The following AGBL1 variants were observed in gnomAD, a reference collection of about 807,000 sequenced individuals.
The protein encoded by AGBL1 is AGBL carboxypeptidase 1.
AGBL1 carries 130 observed loss-of-function variants against 118.9 expected under a neutral mutation model. The observed-to-expected ratio is 1.09, with a 90% CI of 0.95 to 1.26. The LOEUF (loss-of-function observed/expected upper bound fraction) is 1.26, where lower values mean the gene tolerates loss of function less well. Ranked by LOEUF, AGBL1 falls within the 50% of genes most tolerant of loss-of-function variation. AGBL1 has a pLI of 0.00. For missense variants in AGBL1, 1,584 were observed against 1,298.1 expected (o/e 1.22, Z -3.38); for synonymous variants, 555 against 478.9 (o/e 1.16, Z -2.08).
chr15:86,243,861 A>T (rs1342020573), intron 6 of AGBL1, among the ~76,000 whole-genome samples: 3 of 151,906 alleles, frequency 2.0e-5, no homozygotes, highest in African/African-American at 7.3e-5. Context: ...ATACAAAAAA[A>T]TTAGCAAAAT....
intron 22 of AGBL1, among the ~76,000 whole-genome samples, chr15:86,766,939 G>C (rs779993743): frequency 6.6e-6 from 1 of 151,938 alleles, no homozygotes; most frequent in Non-Finnish European, 1.5e-5. Context: ...GGCTGGAATA[G>C]AGGGAGGAAC....
chr15:86,874,653 G>A (rs2079780306), intron 22 of AGBL1, among the ~76,000 whole-genome samples: 1 of 152,160 alleles, frequency 6.6e-6, no homozygotes, highest in Non-Finnish European at 1.5e-5. Flanking sequence ...AGGCACAGGA[G>A]GAAGAAGAAA....
At chr15:86,240,994 G>A (rs181039075) in intron 6 of AGBL1, among the ~76,000 whole-genome samples, 13 of 152,264 alleles carry the variant, frequency 8.5e-5, no homozygotes, top group Middle Eastern at 3.4e-3. Flanking sequence ...GACTCAATAC[G>A]TGTACATTTT....
intron 22 of AGBL1, among the ~76,000 whole-genome samples, chr15:86,804,576 T>A (rs1053381631): frequency 2.6e-5 from 4 of 152,188 alleles, no homozygotes; most frequent in African/African-American, 9.6e-5. Context: ...GCTACGCATG[T>A]GTCTTGATTG....
At chr15:86,737,977 G>A (rs2077625284) in intron 22 of AGBL1, among the ~76,000 whole-genome samples, 1 of 151,770 alleles carries the variant, frequency 6.6e-6, no homozygotes, top group African/African-American at 2.4e-5. Context: ...AGGGATGCAA[G>A]GAAGGTTCAA....
intron 18 of AGBL1, among the ~76,000 whole-genome samples, chr15:86,398,437 A>G (rs2081399039): frequency 6.6e-6 from 1 of 152,224 alleles, no homozygotes; most frequent in Non-Finnish European, 1.5e-5. Flanking sequence ...AAGAGAATAC[A>G]AGATAAACTG....
chr15:86,165,875 C>T (rs1434418168), intron 5 of AGBL1, among the ~76,000 whole-genome samples: 1 of 152,170 alleles, frequency 6.6e-6, no homozygotes, highest in African/African-American at 2.4e-5. Flanking sequence ...GTTATTATTG[C>T]ATCTGCAACC....
At chr15:86,114,941 T>A (rs78778869) in intron 1 of AGBL1, among the ~76,000 whole-genome samples, 7 of 152,270 alleles carry the variant, frequency 4.6e-5, no homozygotes, top group Non-Finnish European at 8.8e-5. Flanking sequence ...TTTGTTAGAA[T>A]GTCTTTATTG....
At chr15:86,347,180 C>A (rs925604533) in intron 17 of AGBL1, among the ~76,000 whole-genome samples, 3 of 152,140 alleles carry the variant, frequency 2.0e-5, no homozygotes, top group Admixed American at 2.0e-4. Context: ...TTTTAGCTAG[C>A]CCTGCATGAA....
At chr15:86,420,944 G>T (rs895396503) in intron 18 of AGBL1, among the ~76,000 whole-genome samples, 13 of 152,264 alleles carry the variant, frequency 8.5e-5, no homozygotes, top group African/African-American at 3.1e-4. Flanking sequence ...AATCCTCCAA[G>T]AAATATGGGA....
intron 21 of AGBL1, among the ~76,000 whole-genome samples, chr15:86,583,944 A>AT (rs2084210054): frequency 6.6e-6 from 1 of 150,672 alleles, no homozygotes; most frequent in Non-Finnish European, 1.5e-5. Flanking sequence ...ATTATTAGTG[A>AT]TGTGGAACGT....
chr15:86,767,734 G>A (rs1320790303), intron 22 of AGBL1, among the ~76,000 whole-genome samples: 3 of 151,888 alleles, frequency 2.0e-5, no homozygotes, highest in African/African-American at 7.2e-5. Context: ...ACCAGACTAA[G>A]AACAGAGATT....
intron 22 of AGBL1, among the ~76,000 whole-genome samples, chr15:86,861,040 C>A (rs982394273): frequency 6.6e-6 from 1 of 151,938 alleles, no homozygotes; most frequent in Non-Finnish European, 1.5e-5. Flanking sequence ...TTAAGGAGGT[C>A]GCAGGGGTCT....
chr15:86,164,420 C>T (rs562506439), intron 5 of AGBL1, among the ~76,000 whole-genome samples: 14 of 152,162 alleles, frequency 9.2e-5, no homozygotes, highest in Non-Finnish European at 2.1e-4. Flanking sequence ...AGACAGATTA[C>T]TTGTCTGCGA....
At chr15:86,636,985 A>G (rs2085108018) in intron 21 of AGBL1, among the ~76,000 whole-genome samples, 1 of 151,708 alleles carries the variant, frequency 6.6e-6, no homozygotes, top group Non-Finnish European at 1.5e-5. Flanking sequence ...CTTTTTAGGC[A>G]CAACCAGGTA....
At chr15:86,415,061 C>T (rs140253810) in intron 18 of AGBL1, among the ~76,000 whole-genome samples, 3 of 152,270 alleles carry the variant, frequency 2.0e-5, no homozygotes, top group African/African-American at 7.2e-5. Flanking sequence ...AATTGTGATG[C>T]ATTTGCTATT....
At chr15:86,837,619 G>T (rs1300519243) in intron 22 of AGBL1, among the ~76,000 whole-genome samples, 1 of 152,176 alleles carries the variant, frequency 6.6e-6, no homozygotes, top group Non-Finnish European at 1.5e-5. Context: ...ACAGCAATAT[G>T]TACTCAAAAA....
intron 23 of AGBL1, among the ~76,000 whole-genome samples, chr15:86,950,250 A>G (rs1489909677): frequency 2.0e-5 from 3 of 151,768 alleles, no homozygotes; most frequent in Non-Finnish European, 4.4e-5. Flanking sequence ...AAGAATAATC[A>G]GTTAACCCCA....
At position 86,563,960 on chromosome 15, in the gene AGBL1, C is replaced by T. The variant is rs528560873; in HGVS notation, c.2994+9423C>T. ...CAGAGACTAGGGTTGCAACCCCTGCCTTTTTTGTTTTCCATTTGCTTGGTA... is the reference window on the plus strand; with the variant it reads ...CAGAGACTAGGGTTGCAACCCCTGCTTTTTTTGTTTTCCATTTGCTTGGTA... On this transcript the variant is annotated intron_variant, in intron 21 of 22. Transcript: ENST00000614907. 2.0e-5 allele frequency among the ~76,000 whole-genome samples: 3 copies of T among 152,028 alleles called. No individual in the cohort carries two copies. The East Asian group carries it at 5.8e-4, about 29-fold the overall frequency.
Sources: allele counts gnomAD v4.1 joint callset (sites outside exome capture counted in the v4.1 genomes callset), GRCh38; gene constraint gnomAD v4.1.1; transcripts MANE v1.5; gene names NCBI Gene and HGNC (gene_info 2026-07-23, HGNC 2026-07-21).